Variants in DNAJA3 observed in about 807,000 individuals in gnomAD.
DNAJA3 encodes the protein dnaJ homolog subfamily A member 3, mitochondrial.
A neutral mutation model predicts 54.9 loss-of-function variants in DNAJA3; 29 were observed. That is an observed-to-expected ratio of 0.53 (90% CI 0.39 to 0.72). DNAJA3 has a LOEUF of 0.72. DNAJA3 is among the 30% of genes least tolerant of loss of function. The pLI is 0.00. For synonymous variants in DNAJA3, 302 were observed against 251.4 expected (o/e 1.20, Z -1.90); for missense variants, 708 against 639.4 (o/e 1.11, Z -1.16).
intron 2 of DNAJA3, among the ~76,000 whole-genome samples, chr16:4,434,886 CTTTTTTTTT>C (rs202179531): frequency 1.7e-4 from 17 of 100,196 alleles, no homozygotes; most frequent in African/African-American, 6.6e-4. Flanking sequence ...CCTTTCCTTT[CTTTTTTTTT>C]TTTTTTTTTT....
chr16:4,441,077 A>G, intron 3 of DNAJA3: 1 of 470,644 alleles, frequency 2.1e-6, no homozygotes, highest in Admixed American at 4.0e-5. Flanking sequence ...TCTGTGAAGA[A>G]TCCAGGGTGC....
At chr16:4,452,166 T>A (rs1401744303) in intron 10 of DNAJA3, among the ~76,000 whole-genome samples, 1 of 152,140 alleles carries the variant, frequency 6.6e-6, no homozygotes, top group Non-Finnish European at 1.5e-5. Context: ...ATATACTGTG[T>A]ATATGTATAC....
rs1189898380 is a variant in DNAJA3, at chr16:4,437,443, C to G, written c.387C>G (p.Pro129=). The G allele has an allele frequency of 6.2e-7, 1 of 1,614,040 alleles. No homozygotes were observed. Among genetic ancestry groups the G allele is most frequent in the Non-Finnish European group, 8.5e-7 (1 of 1,179,998 alleles). The change falls in exon 3 of 12, where the codon CCC becomes CCG. Residue 129 remains proline, a synonymous_variant. Transcript: ENST00000262375. ...ACCCTGACACAAATAAGGATGATCC[C>G]AAAGCCAAGGAGAAGTTCTCCCAGC... The part of the protein sequence containing the change: ...KYHPDTNKDD[P]KAKEKFSQLA...
At chr16:4,443,584 C>T (rs917571255) in intron 6 of DNAJA3, among the ~76,000 whole-genome samples, 2 of 152,130 alleles carry the variant, frequency 1.3e-5, no homozygotes, top group Non-Finnish European at 2.9e-5. Context: ...TTCCCTTGCC[C>T]AAAACTCACT....
chr16:4,443,241 G>C, intron 6 of DNAJA3, 77 bp downstream of exon 6: 1 of 1,564,542 alleles, frequency 6.4e-7, no homozygotes, highest in Middle Eastern at 2.1e-4. Flanking sequence ...GTGTGGAGAG[G>C]GTGGACAGGG....
chr16:4,437,299 A>G (rs533694094), intron 2 of DNAJA3, 103 bp from the exon 3 acceptor site: 9 of 975,890 alleles, frequency 9.2e-6, no homozygotes, highest in Non-Finnish European at 1.4e-5. Flanking sequence ...AGGGAACATA[A>G]TTATGACTGG....
chr16:4,431,957 A>C (rs1567323283), intron 1 of DNAJA3: 1 of 151,842 alleles, frequency 6.6e-6, no homozygotes. Flanking sequence ...CTTAGGATAA[A>C]ATCCAGACTC....
At chr16:4,434,231 A>G (rs1288869378) in intron 1 of DNAJA3, 153 bp from the exon 2 acceptor site, 3 of 781,388 alleles carry the variant, frequency 3.8e-6, no homozygotes, top group African/African-American at 3.5e-5. Flanking sequence ...GATTATGGGA[A>G]CTAAAATTCT....
chr16:4,434,046 G>A (rs1235902061), intron 1 of DNAJA3: 7 of 281,380 alleles, frequency 2.5e-5, no homozygotes, highest in East Asian at 2.2e-4. Flanking sequence ...CGATCGTGGC[G>A]GAAGGGGAAG....
chr16:4,428,569 A>G (rs2056652492), intron 1 of DNAJA3, among the ~76,000 whole-genome samples: 1 of 152,216 alleles, frequency 6.6e-6, no homozygotes, highest in Non-Finnish European at 1.5e-5. Context: ...GTGTATGTGA[A>G]AGAGAGAAAC....
chr16:4,436,964 T>A (rs895160408), intron 2 of DNAJA3, among the ~76,000 whole-genome samples: 2 of 152,008 alleles, frequency 1.3e-5, no homozygotes, highest in Admixed American at 6.6e-5. Context: ...TTAAAACAGA[T>A]CATTATTATT....
At chr16:4,447,704 C>T (rs993081602) in intron 8 of DNAJA3, 13 of 152,616 alleles carry the variant, frequency 8.5e-5, no homozygotes, top group African/African-American at 2.9e-4. Context: ...CTCACTTGCC[C>T]AAACTCTTGC....
At position 4,426,220 on chromosome 16, in the gene DNAJA3, G is replaced by T. The variant is rs536733402; in HGVS notation, c.211+128G>T. 2,103 of 1,075,460 alleles carry T rather than the reference G, an allele frequency of 2.0e-3. 8 individuals carry two copies. Among genetic ancestry groups the T allele is most frequent in the Non-Finnish European group, 2.3e-3 (1,852 of 796,858 alleles). The allele number at this position is 1,075,460 out of a possible 1,614,324, so 66.6% of individuals were successfully genotyped here. ...CTTCCGACGCGGATGCACAATTGCC[G>T]GAGACACAGACAGGCAGGAGGCGGG... On this transcript the variant is annotated intron_variant, in intron 1 of 11. Coordinates refer to ENST00000262375, the MANE Select transcript of DNAJA3 (RefSeq NM_005147.6).
At position 4,442,432 on chromosome 16, in the gene DNAJA3, C is replaced by T. The variant is rs1203185960; in HGVS notation, c.783+12C>T. The T allele has an allele frequency of 1.3e-6, 2 of 1,575,466 alleles. No individual in the cohort carries two copies. The highest frequency in any genetic ancestry group is 2.3e-5 in the East Asian group (1 of 43,490). ...GCGGCTCCGGCATGGTAAGGCTCTG[C>T]CCGAGACTCCACCTCCCACGGCTTG... On this transcript the variant is annotated intron_variant, in intron 5 of 11. Transcript: ENST00000262375.
chr16:4,437,718 C>G, intron 3 of DNAJA3: 2 of 440,420 alleles, frequency 4.5e-6, no homozygotes, highest in South Asian at 4.3e-5. Context: ...GATCACTTGA[C>G]CTCAGGAGTT....
At chr16:4,440,741 T>A in intron 3 of DNAJA3, 1 of 152,114 alleles carries the variant, frequency 6.6e-6, no homozygotes, top group Non-Finnish European at 1.5e-5. Flanking sequence ...GAGGTCGAAG[T>A]GGGAGGATCG....
intron 2 of DNAJA3, among the ~76,000 whole-genome samples, chr16:4,434,928 A>C (rs1299435567): frequency 1.7e-5 from 2 of 116,966 alleles, no homozygotes; most frequent in African/African-American, 3.6e-5. Flanking sequence ...ATGGAGTCTC[A>C]CTCCATTGCT....
In DNAJA3 at chr16:4,441,451, C is replaced by G. The variant is rs758942391; in HGVS notation, c.506C>G (p.Ser169Cys). The G allele has an allele frequency of 1.2e-6, 2 of 1,614,156 alleles. No homozygotes were observed. Among genetic ancestry groups the G allele is most frequent in the East Asian group, 4.5e-5 (2 of 44,872 alleles). The part of the protein sequence containing the change: ...SAGFDPGASG[S>C]QHSYWKGGPT... ...GGCTTCGATCCTGGGGCCAGCGGCT[C>G]CCAGCATAGCTACTGGAAGGGAGGC... is the stretch of plus-strand genomic sequence containing the variant. Residue 169 changes from serine (S) to cysteine (C), a missense_variant, in exon 4 of 12, where the codon TCC becomes TGC. Coordinates refer to ENST00000262375, the MANE Select transcript of DNAJA3 (RefSeq NM_005147.6).
intron 1 of DNAJA3, among the ~76,000 whole-genome samples, chr16:4,429,699 TG>T (rs1262537731): frequency 2.6e-5 from 4 of 152,026 alleles, no homozygotes; most frequent in East Asian, 3.9e-4. Flanking sequence ...CCAGGCCTGG[TG>T]GCGCATGCCT....
Sources: allele counts gnomAD v4.1 joint callset (sites outside exome capture counted in the v4.1 genomes callset), GRCh38; gene constraint gnomAD v4.1.1; transcripts MANE v1.5; gene names NCBI Gene and HGNC (gene_info 2026-07-23, HGNC 2026-07-21).